The following SHANK2 variants were observed in gnomAD, a reference collection of about 807,000 sequenced individuals.
SHANK2 encodes SH3 and multiple ankyrin repeat domains 2.
A neutral mutation model predicts 133.7 loss-of-function variants in SHANK2; 43 were observed. The observed-to-expected ratio is 0.32, with a 90% CI of 0.25 to 0.41. The LOEUF (loss-of-function observed/expected upper bound fraction) is 0.41. Ranked by LOEUF, SHANK2 falls within the 10% of genes least tolerant of loss-of-function variation. SHANK2 has a pLI of 1.00. For synonymous variants in SHANK2, 1,017 were observed against 952.8 expected (o/e 1.07, Z -1.24); for missense variants, 1,994 against 2,235.8 (o/e 0.89, Z 2.18).
intron 11 of SHANK2, among the ~76,000 whole-genome samples, chr11:70,852,106 G>A (rs1445230127): frequency 2.6e-5 from 4 of 152,198 alleles, no homozygotes; most frequent in South Asian, 2.1e-4. Context: ...CCTGGCCGCC[G>A]GGGAGGAGCG....
chr11:71,085,667 T>TA (rs1240220510), intron 8 of SHANK2, among the ~76,000 whole-genome samples: 2 of 19,108 alleles, frequency 1.0e-4, no homozygotes, highest in African/African-American at 2.1e-4. Flanking sequence ...TTATATTATA[T>TA]ATGTTATATA....
chr11:70,863,801 TAAG>T (rs1949302823), intron 11 of SHANK2: 8 of 457,406 alleles, frequency 1.7e-5, no homozygotes, highest in South Asian at 1.2e-4. Context: ...AGGTGTGTTG[TAAG>T]AAGAGGAAAC....
chr11:70,748,381 C>T (rs1043949827), intron 14 of SHANK2, among the ~76,000 whole-genome samples: 1 of 152,144 alleles, frequency 6.6e-6, no homozygotes, highest in Non-Finnish European at 1.5e-5. Context: ...TGAACATCCA[C>T]TAACCAGAAA....
chr11:71,161,128 C>T (rs186421673), intron 2 of SHANK2, among the ~76,000 whole-genome samples: 45 of 152,282 alleles, frequency 3.0e-4, no homozygotes, highest in African/African-American at 1.0e-3. Context: ...GAACATGCCT[C>T]ATTATATCTG....
chr11:70,887,742 G>T (rs1949768949), intron 11 of SHANK2, among the ~76,000 whole-genome samples: 1 of 152,136 alleles, frequency 6.6e-6, no homozygotes, highest in Non-Finnish European at 1.5e-5. Context: ...TCAGAAAAAT[G>T]TGTGGTATTT....
At chr11:71,085,587 T>TTATAATATA (rs1951371957) in intron 8 of SHANK2, among the ~76,000 whole-genome samples, 64 of 30,582 alleles carry the variant, frequency 2.1e-3, no homozygotes, top group African/African-American at 6.1e-3. Context: ...ATATAATATA[T>TTATAATATA]TATATAATAT....
chr11:71,132,889 G>A (rs1370302606), intron 3 of SHANK2, among the ~76,000 whole-genome samples: 4 of 152,138 alleles, frequency 2.6e-5, no homozygotes, highest in African/African-American at 7.2e-5. Flanking sequence ...AGGACAGGTA[G>A]GCTAGTTTTC....
At chr11:71,230,672 G>T (rs1294568548) in intron 1 of SHANK2, among the ~76,000 whole-genome samples, 2 of 151,864 alleles carry the variant, frequency 1.3e-5, no homozygotes, top group Non-Finnish European at 2.9e-5. Context: ...TCAGCTTCAA[G>T]ATTTATTATA....
chr11:70,762,698 T>C (rs1212649964), intron 14 of SHANK2, among the ~76,000 whole-genome samples: 2 of 152,166 alleles, frequency 1.3e-5, no homozygotes, highest in Non-Finnish European at 2.9e-5. Context: ...CTGGATGGCC[T>C]AGTGTCTACC....
chr11:70,630,092 G>T (rs564217004), intron 17 of SHANK2, among the ~76,000 whole-genome samples: 52 of 152,330 alleles, frequency 3.4e-4, no homozygotes, highest in African/African-American at 1.2e-3. Flanking sequence ...ATGCACTACC[G>T]TGGGCTTTGG....
At chr11:71,235,185 G>A (rs558721116) in intron 1 of SHANK2, among the ~76,000 whole-genome samples, 1 of 152,256 alleles carries the variant, frequency 6.6e-6, no homozygotes, top group South Asian at 2.1e-4. Flanking sequence ...CTTAGGGTGG[G>A]GGGCCCCAGT....
intron 17 of SHANK2, among the ~76,000 whole-genome samples, chr11:70,523,133 C>T (rs1396273877): frequency 3.9e-5 from 6 of 152,300 alleles, no homozygotes; most frequent in Non-Finnish European, 8.8e-5. Flanking sequence ...TCAAAGCACG[C>T]GGGTGGCACA....
intron 10 of SHANK2, among the ~76,000 whole-genome samples, chr11:70,936,974 GTC>G (rs1407531885): frequency 6.6e-6 from 1 of 152,206 alleles, no homozygotes; most frequent in Non-Finnish European, 1.5e-5. Context: ...TCCCTGAGAT[GTC>G]TTGATTGGCC....
intron 1 of SHANK2, among the ~76,000 whole-genome samples, chr11:71,235,860 C>A (rs1565530937): frequency 6.6e-6 from 1 of 152,192 alleles, no homozygotes. Context: ...GATGGGCACA[C>A]ACTCTCTCAC....
At chr11:70,531,171 A>C (rs1331491601) in intron 17 of SHANK2, among the ~76,000 whole-genome samples, 26 of 151,456 alleles carry the variant, frequency 1.7e-4, no homozygotes, top group South Asian at 4.2e-4. Context: ...AAAAAAAAAA[A>C]AAAAAAAAAA....
At position 70,486,446 on chromosome 11, in the gene SHANK2, C is replaced by T. The variant is rs782471463; in HGVS notation, c.3847G>A (p.Glu1283Lys). 3 of 1,614,126 alleles carry T rather than the reference C, an allele frequency of 1.9e-6. No individual in the cohort carries two copies. The highest frequency in any genetic ancestry group is 1.7e-6 in the Non-Finnish European group (2 of 1,180,028). ...TTCCGGTCTCGGCCCAGGTCGGTCT[C>T]GTACTTGTTCTCCGTCTCCTGCCGC... ...LRRQETENKY[E>K]TDLGRDRKGD... The change falls in exon 25 of 26, where the codon GAG becomes AAG. Residue 1283 changes from glutamate to lysine, a missense_variant. Physicochemically the swap from Glu to Lys is moderately conservative, Grantham distance 56. This residue lies in a region of SHANK2 where 797 missense variants were observed against 907.4 expected (regional missense o/e 0.88). Transcript: ENST00000601538. The surrounding 1 kb of genome is among the most constrained non-coding windows in gnomAD (Gnocchi z 8.0).
chr11:71,144,036 G>C lies in SHANK2; in HGVS notation c.207+3084C>G, dbSNP rs151136783. Among the ~76,000 whole-genome samples, 398 of 152,050 alleles carry C rather than the reference G, an allele frequency of 2.6e-3. 2 individuals carry two copies. Among genetic ancestry groups the C allele is most frequent in the African/African-American group, 9.0e-3 (372 of 41,474 alleles). Reference sequence around the variant, plus strand: ...TAAAAGCAAAATAACAACCAGAAAAGGATCTGGCAAATGAAAAGGGCATTG... The same window carrying C: ...TAAAAGCAAAATAACAACCAGAAAACGATCTGGCAAATGAAAAGGGCATTG... On this transcript the variant is annotated intron_variant, in intron 3 of 25. Coordinates refer to ENST00000601538, the MANE Select transcript of SHANK2 (RefSeq NM_012309.5).
intron 17 of SHANK2, among the ~76,000 whole-genome samples, chr11:70,572,428 C>T (rs1195518979): frequency 3.3e-5 from 5 of 152,254 alleles, no homozygotes; most frequent in Non-Finnish European, 4.4e-5. Flanking sequence ...CCAAAGTGCT[C>T]GAATTACAGC....
intron 11 of SHANK2, among the ~76,000 whole-genome samples, chr11:70,837,486 G>A (rs540894690): frequency 1.2e-4 from 18 of 152,340 alleles, no homozygotes; most frequent in Non-Finnish European, 8.8e-5. Flanking sequence ...TCCTGTCCAA[G>A]AGGGTTACTC....
Sources: gnomAD v4.1 joint callset for allele counts (sites outside exome capture counted in the v4.1 genomes callset) on GRCh38, gnomAD v4.1.1 for gene constraint, gnomAD v4.1.1 regional missense constraint, Gnocchi (gnomAD v3.1) non-coding constraint, MANE v1.5 for transcripts, NCBI Gene and HGNC (gene_info 2026-07-23, HGNC 2026-07-21) for gene names.